Variants in CDH12 observed in about 807,000 individuals in gnomAD.
CDH12 encodes cadherin 12, also known as cadherin-12.
CDH12 carries 41 observed loss-of-function variants against 74.1 expected under a neutral mutation model. The ratio of observed to expected loss-of-function variants is 0.55; its 90% CI spans 0.43 to 0.72. The LOEUF is 0.72. Among genes scored for constraint, CDH12 ranks in the 30% least tolerant of loss-of-function variants. The pLI is 0.00. For missense variants in CDH12, 945 were observed against 977.2 expected (o/e 0.97, Z 0.44); for synonymous variants, 399 against 355.0 (o/e 1.12, Z -1.39).
At chr5:21,880,572 TTTCCTTCC>T (rs70957076) in intron 6 of CDH12, among the ~76,000 whole-genome samples, 8 of 12,942 alleles carry the variant, frequency 6.2e-4, no homozygotes, top group East Asian at 3.6e-3. Context: ...CCCTTCTTTC[TTTCCTTCC>T]TTCCTTCCTT....
rs531379293 is a variant in CDH12, at chr5:22,504,144, G to A, written c.-428+1126C>T. On this transcript the variant is annotated intron_variant, in intron 2 of 14. Coordinates refer to ENST00000382254, the MANE Select transcript of CDH12 (RefSeq NM_004061.5). ...ACATAGAAATTTTGAATATTGATGA[G>A]AACAAATTACTAGATAAAAGAGATG... Among the ~76,000 whole-genome samples, 3 of 151,812 alleles carry A rather than the reference G, an allele frequency of 2.0e-5. No individual in the cohort carries two copies. In the South Asian group the frequency reaches 6.2e-4, roughly 32 times the overall value.
intron 1 of CDH12, among the ~76,000 whole-genome samples, chr5:22,735,467 G>T (rs1744642148): frequency 6.6e-6 from 1 of 151,762 alleles, no homozygotes. Context: ...GCTGCTTAAA[G>T]TATACTACAT....
intron 4 of CDH12, among the ~76,000 whole-genome samples, chr5:22,193,465 C>T (rs543400247): frequency 1.3e-5 from 2 of 152,176 alleles, no homozygotes; most frequent in African/African-American, 4.8e-5. Flanking sequence ...CTTTCCTAGG[C>T]ATTGAGGAGT....
At chr5:22,513,174 T>A (rs533501559) in intron 1 of CDH12, among the ~76,000 whole-genome samples, 1 of 152,248 alleles carries the variant, frequency 6.6e-6, no homozygotes, top group East Asian at 1.9e-4. Flanking sequence ...GGAACTGAAG[T>A]GCATCTGTGG....
At chr5:22,666,471 T>C (rs531083192) in intron 1 of CDH12, among the ~76,000 whole-genome samples, 2 of 152,012 alleles carry the variant, frequency 1.3e-5, no homozygotes, top group East Asian at 3.9e-4. Flanking sequence ...TGTATTTTTT[T>C]AGTAGAGACG....
At chr5:22,034,865 T>C (rs1337716712) in intron 5 of CDH12, among the ~76,000 whole-genome samples, 1 of 152,112 alleles carries the variant, frequency 6.6e-6, no homozygotes, top group East Asian at 1.9e-4. Context: ...AAAATAAAGC[T>C]TTTTGATGTC....
At chr5:21,943,958 A>G (rs1755455744) in intron 6 of CDH12, among the ~76,000 whole-genome samples, 1 of 152,174 alleles carries the variant, frequency 6.6e-6, no homozygotes, top group African/African-American at 2.4e-5. Flanking sequence ...AAAAAAAATA[A>G]GAAATTAAGG....
rs536961443 is a variant in CDH12 at position 22,612,746 on chromosome 5, T to A, written c.-522-107382A>T. On this transcript the variant is annotated intron_variant, in intron 1 of 14. Coordinates refer to ENST00000382254, the MANE Select transcript of CDH12 (RefSeq NM_004061.5). ...TTATCTAACTAGATCTCTTTCCTTT[T>A]TAGCCCTTCTCCCCTGCTTATGTGT... Among the ~76,000 whole-genome samples, 88 of 152,240 alleles carry A rather than the reference T, an allele frequency of 5.8e-4. 1 individual carries two copies. The highest frequency in any genetic ancestry group is 2.0e-3 in the African/African-American group (84 of 41,572).
At chr5:22,478,026 C>T (rs753918017) in intron 2 of CDH12, among the ~76,000 whole-genome samples, 1 of 152,050 alleles carries the variant, frequency 6.6e-6, no homozygotes, top group Non-Finnish European at 1.5e-5. Context: ...GGGGATTAGA[C>T]TCATTATATA....
At chr5:21,804,248 G>A (rs60180311) in intron 9 of CDH12, among the ~76,000 whole-genome samples, 1,891 of 152,084 alleles carry the variant, frequency 0.012, 39 homozygotes, top group African/African-American at 0.042. Flanking sequence ...CATAATATGC[G>A]ATGGTTGATA....
intron 3 of CDH12, among the ~76,000 whole-genome samples, chr5:22,245,731 A>G (rs774277155): frequency 3.9e-5 from 6 of 152,024 alleles, no homozygotes; most frequent in Non-Finnish European, 7.4e-5. Flanking sequence ...GAAGTCTTTC[A>G]TTTTGGGGAA....
chr5:22,562,174 G>A (rs1739078971), intron 1 of CDH12, among the ~76,000 whole-genome samples: 2 of 152,012 alleles, frequency 1.3e-5, no homozygotes, highest in Admixed American at 6.6e-5. Flanking sequence ...AAAATTAGCC[G>A]GGCGTAGTGG....
chr5:22,631,993 A>G (rs889235486), intron 1 of CDH12, among the ~76,000 whole-genome samples: 2 of 152,148 alleles, frequency 1.3e-5, no homozygotes, highest in Non-Finnish European at 2.9e-5. Context: ...TTGACATGTG[A>G]TCTAGGTGGA....
At position 22,483,337 on chromosome 5, in the gene CDH12, C is replaced by T. The variant is rs72637704; in HGVS notation, c.-428+21933G>A. On this transcript the variant is annotated intron_variant, in intron 2 of 14. Transcript: ENST00000382254. ...TTGAAAACTACAATATATATGAACACATTCTTTTTTTAAATAACTATTTAT... is the reference window on the plus strand; with the variant it reads ...TTGAAAACTACAATATATATGAACATATTCTTTTTTTAAATAACTATTTAT... Among the ~76,000 whole-genome samples the T allele has an allele frequency of 9.7e-3, 1,469 of 152,128 alleles. 101 individuals carry two copies. The East Asian group carries it at 0.19, about 20-fold the overall frequency.
chr5:22,668,048 A>T (rs1473163514), intron 1 of CDH12, among the ~76,000 whole-genome samples: 1 of 152,224 alleles, frequency 6.6e-6, no homozygotes, highest in Non-Finnish European at 1.5e-5. Context: ...GGCTCAGCAA[A>T]TATGAAAACA....
intron 1 of CDH12, among the ~76,000 whole-genome samples, chr5:22,671,218 T>C (rs1239848585): frequency 2.0e-5 from 3 of 152,116 alleles, no homozygotes; most frequent in African/African-American, 7.2e-5. Flanking sequence ...AATAAACACA[T>C]TCAACATTCC....
At chr5:22,852,171 G>T (rs1019037431) in intron 1 of CDH12, among the ~76,000 whole-genome samples, 1 of 152,104 alleles carries the variant, frequency 6.6e-6, no homozygotes, top group South Asian at 2.1e-4. Context: ...TGAAATGGTC[G>T]CAGAATCAGC....
chr5:22,306,552 T>C (rs1738124143), intron 3 of CDH12, among the ~76,000 whole-genome samples: 1 of 152,182 alleles, frequency 6.6e-6, no homozygotes, highest in Admixed American at 6.5e-5. Context: ...TTCTGAGTTT[T>C]TTTAACCTAA....
chr5:22,474,801 G>C (rs1460442915), intron 2 of CDH12, among the ~76,000 whole-genome samples: 1 of 152,054 alleles, frequency 6.6e-6, no homozygotes, highest in Non-Finnish European at 1.5e-5. Flanking sequence ...ATTGTAGAAA[G>C]CTGTCCCCAA....
Sources: gnomAD v4.1 joint callset for allele counts (sites outside exome capture counted in the v4.1 genomes callset) on GRCh38, gnomAD v4.1.1 for gene constraint, MANE v1.5 for transcripts, NCBI Gene and HGNC (gene_info 2026-07-23, HGNC 2026-07-21) for gene names.